SLC10A7: variants seen among roughly 807,000 people sequenced by gnomAD.
SLC10A7 encodes sodium/bile acid cotransporter 7.
A neutral mutation model predicts 43.2 loss-of-function variants in SLC10A7; 29 were observed. That is an observed-to-expected ratio of 0.67 (90% CI 0.50 to 0.92). The LOEUF is 0.92. SLC10A7 is among the 40% of genes least tolerant of loss of function. SLC10A7 has a pLI of 0.00. For missense variants in SLC10A7, 295 were observed against 403.2 expected (o/e 0.73, Z 2.30); for synonymous variants, 152 against 144.8 (o/e 1.05, Z -0.35).
chr4:146,417,562 A>G (rs1386013345), intron 5 of SLC10A7, among the ~76,000 whole-genome samples: 1 of 152,182 alleles, frequency 6.6e-6, no homozygotes, highest in Non-Finnish European at 1.5e-5. Context: ...TTGTTTGCCT[A>G]TCACAGTAGT....
At chr4:146,261,371 T>G (rs1200693181) in intron 10 of SLC10A7, among the ~76,000 whole-genome samples, 3 of 152,242 alleles carry the variant, frequency 2.0e-5, no homozygotes, top group Admixed American at 2.0e-4. Context: ...CCTGCTCTGC[T>G]GCCTCTCTCC....
rs1735060608 is a variant in SLC10A7, at chr4:146,351,093, G to T, written c.436-25097C>A. Among the ~76,000 whole-genome samples the T allele has an allele frequency of 2.0e-5, 3 of 151,530 alleles. No homozygotes were observed. The South Asian group carries it at 6.2e-4, about 31-fold the overall frequency. Reference sequence around the variant, plus strand: ...ATGATCAAATTACTCTGAGCTACAGGAGGACATTCAAACCAAAGGCAAAGA... The same window carrying T: ...ATGATCAAATTACTCTGAGCTACAGTAGGACATTCAAACCAAAGGCAAAGA... On this transcript the variant is annotated intron_variant, in intron 5 of 11. Coordinates refer to ENST00000335472, the MANE Select transcript of SLC10A7 (RefSeq NM_001029998.6).
chr4:146,432,782 GT>G, intron 5 of SLC10A7, among the ~76,000 whole-genome samples: 1 of 152,142 alleles, frequency 6.6e-6, no homozygotes. Flanking sequence ...GCTCATGCCT[GT>G]AATCCCAGAA....
At chr4:146,295,826 T>C (rs1730745413) in intron 7 of SLC10A7, among the ~76,000 whole-genome samples, 2 of 152,136 alleles carry the variant, frequency 1.3e-5, no homozygotes. Flanking sequence ...TTGCTGCCCT[T>C]CAATCTTGTT....
At chr4:146,364,105 C>T (rs1206807292) in intron 5 of SLC10A7, among the ~76,000 whole-genome samples, 1 of 146,796 alleles carries the variant, frequency 6.8e-6, no homozygotes, top group Non-Finnish European at 1.5e-5. Context: ...AAACCTTTAG[C>T]TAAACTAAGA....
intron 4 of SLC10A7, among the ~76,000 whole-genome samples, chr4:146,456,564 A>T (rs1205324851): frequency 2.6e-5 from 4 of 151,934 alleles, no homozygotes; most frequent in Non-Finnish European, 5.9e-5. Flanking sequence ...CACAGAACTT[A>T]CTCAAAGTGC....
chr4:146,476,154 A>T (rs1026766022), intron 4 of SLC10A7, among the ~76,000 whole-genome samples: 1 of 152,230 alleles, frequency 6.6e-6, no homozygotes, highest in Non-Finnish European at 1.5e-5. Context: ...TGTAAAAAGA[A>T]ATCTATGAAT....
intron 5 of SLC10A7, among the ~76,000 whole-genome samples, chr4:146,428,172 C>T (rs1729510722): frequency 6.6e-6 from 1 of 152,036 alleles, no homozygotes; most frequent in Non-Finnish European, 1.5e-5. Context: ...AAACAAGACC[C>T]TAACTCAAAA....
intron 4 of SLC10A7, among the ~76,000 whole-genome samples, chr4:146,481,153 C>T (rs1734439776): frequency 6.6e-6 from 1 of 152,178 alleles, no homozygotes; most frequent in Admixed American, 6.5e-5. Context: ...GCTCCCCGGA[C>T]TGCTGTAGCC....
At chr4:146,316,096 C>G (rs1732304874) in intron 6 of SLC10A7, among the ~76,000 whole-genome samples, 1 of 152,028 alleles carries the variant, frequency 6.6e-6, no homozygotes, top group Non-Finnish European at 1.5e-5. Flanking sequence ...ATATGAAATT[C>G]CAAGTAACGA....
At chr4:146,268,953 G>A (rs1318531031) in intron 10 of SLC10A7, among the ~76,000 whole-genome samples, 1 of 152,184 alleles carries the variant, frequency 6.6e-6, no homozygotes, top group Non-Finnish European at 1.5e-5. Context: ...AAGTCTGAAA[G>A]CAAGAGAGAT....
At chr4:146,514,015 A>C (rs1367532231) in intron 2 of SLC10A7, 14 of 152,166 alleles carry the variant, frequency 9.2e-5, no homozygotes, top group Non-Finnish European at 1.8e-4. Context: ...TGACAGCATC[A>C]AGCATTGCTT....
intron 3 of SLC10A7, among the ~76,000 whole-genome samples, chr4:146,505,430 A>G (rs1736809683): frequency 6.6e-6 from 1 of 152,176 alleles, no homozygotes; most frequent in African/African-American, 2.4e-5. Flanking sequence ...CCTCCAGTCA[A>G]TGGTTAGGCT....
At chr4:146,483,321 TA>T (rs1167394062) in intron 4 of SLC10A7, among the ~76,000 whole-genome samples, 1 of 152,266 alleles carries the variant, frequency 6.6e-6, no homozygotes, top group East Asian at 1.9e-4. Context: ...ATGTAAATTT[TA>T]AGATTAAAAA....
chr4:146,401,509 A>G (rs1410157137), intron 5 of SLC10A7, among the ~76,000 whole-genome samples: 1 of 152,226 alleles, frequency 6.6e-6, no homozygotes, highest in Non-Finnish European at 1.5e-5. Flanking sequence ...GAGAGACGGA[A>G]TAAAGAAAGA....
chr4:146,510,174 A>T, intron 2 of SLC10A7, 125 bp from the exon 3 acceptor site: 5 of 787,216 alleles, frequency 6.4e-6, no homozygotes, highest in Non-Finnish European at 9.6e-6. Flanking sequence ...TAAAATTTTT[A>T]TCTATAAGTA....
At chr4:146,304,077 A>T (rs1037556771) in intron 7 of SLC10A7, among the ~76,000 whole-genome samples, 7 of 102,894 alleles carry the variant, frequency 6.8e-5, no homozygotes, top group African/African-American at 2.7e-4. Context: ...AAACAAAAAA[A>T]ATCCACTTGT....
intron 4 of SLC10A7, among the ~76,000 whole-genome samples, chr4:146,459,140 C>G (rs1034234525): frequency 5.9e-5 from 9 of 151,508 alleles, no homozygotes; most frequent in African/African-American, 2.2e-4. Flanking sequence ...TAAAATAAAG[C>G]TAACAAAATA....
At chr4:146,509,508 G>C (rs1737253994) in intron 3 of SLC10A7, among the ~76,000 whole-genome samples, 1 of 152,128 alleles carries the variant, frequency 6.6e-6, no homozygotes, top group African/African-American at 2.4e-5. Context: ...ACAATGAAAA[G>C]GTAACGTTTG....
Sources: allele counts gnomAD v4.1 joint callset (sites outside exome capture counted in the v4.1 genomes callset), GRCh38; gene constraint gnomAD v4.1.1; transcripts MANE v1.5; gene names NCBI Gene and HGNC (gene_info 2026-07-23, HGNC 2026-07-21).